Variants in ASTN2 observed in about 807,000 individuals in gnomAD.
ASTN2 encodes astrotactin-2.
In ASTN2, 54 loss-of-function variants were observed where a neutral mutation model predicts 139.8. The ratio of observed to expected loss-of-function variants is 0.39; its 90% confidence interval spans 0.31 to 0.48. The LOEUF (loss-of-function observed/expected upper bound fraction) is 0.48, where lower values mean the gene tolerates loss of function less well. Ranked by LOEUF, ASTN2 falls within the 20% of genes least tolerant of loss-of-function variation. The probability of loss-of-function intolerance (pLI) is 0.95; values close to 1 mark genes in which losing one functional copy is unlikely to be tolerated. For synonymous variants in ASTN2, 756 were observed against 719.5 expected (o/e 1.05, Z -0.81); for missense variants, 1,565 against 1,725.1 (o/e 0.91, Z 1.64).
intron 16 of ASTN2, among the ~76,000 whole-genome samples, chr9:116,655,965 C>G (rs368832450): frequency 2.0e-5 from 3 of 152,188 alleles, no homozygotes; most frequent in African/African-American, 7.2e-5. Context: ...TGAGCTCAAG[C>G]AATCTGCCCA....
intron 3 of ASTN2, among the ~76,000 whole-genome samples, chr9:117,157,715 G>C (rs1227345260): frequency 3.9e-5 from 6 of 152,150 alleles, no homozygotes; most frequent in African/African-American, 1.2e-4. Context: ...AAACTGATGA[G>C]TTATTTAGTA....
chr9:117,359,232 T>C (rs376436701), intron 1 of ASTN2, among the ~76,000 whole-genome samples: 2 of 152,332 alleles, frequency 1.3e-5, no homozygotes, highest in Admixed American at 6.5e-5. Flanking sequence ...AGTCCCCATC[T>C]GTAAAATGGA....
Position 116,565,253 on chromosome 9 carries a change from C to CACACAA in ASTN2, c.3355+53070_3355+53071insTTGTGT, listed in dbSNP as rs1271291402. ...ACACACACACACACACACACACACA[C>CACACAA]ACACATATGCCCCATACTGAGGAGA... On this transcript the variant is annotated intron_variant, in intron 19 of 22. Coordinates refer to ENST00000313400, the MANE Select transcript of ASTN2 (RefSeq NM_001365068.1). Among the ~76,000 whole-genome samples the CACACAA allele has an allele frequency of 3.6e-5, 4 of 110,044 alleles. No individual in the cohort carries two copies. In the East Asian group the frequency reaches 1.1e-3, roughly 31 times the overall value. 72.2% of individuals were successfully genotyped at this position (110,044 alleles called of 152,430 possible).
At chr9:117,343,618 G>A (rs2130868359) in intron 1 of ASTN2, among the ~76,000 whole-genome samples, 1 of 152,254 alleles carries the variant, frequency 6.6e-6, no homozygotes, top group Admixed American at 6.5e-5. Flanking sequence ...ATGTACATAT[G>A]AGAATACTGA....
chr9:116,843,481 A>T (rs1832328378), intron 11 of ASTN2, among the ~76,000 whole-genome samples: 1 of 152,008 alleles, frequency 6.6e-6, no homozygotes, highest in South Asian at 2.1e-4. Context: ...AACATGGTGA[A>T]ACCCCATCTC....
chr9:116,649,531 G>A (rs566684981), intron 17 of ASTN2, among the ~76,000 whole-genome samples: 342 of 145,570 alleles, frequency 2.3e-3, no homozygotes, highest in Non-Finnish European at 4.3e-3. Context: ...CTGAGATCGC[G>A]CCATTGCACT....
intron 4 of ASTN2, among the ~76,000 whole-genome samples, chr9:117,139,936 T>C (rs1427510033): frequency 6.6e-6 from 1 of 152,166 alleles, no homozygotes; most frequent in Non-Finnish European, 1.5e-5. Flanking sequence ...TAATAGTACA[T>C]AGTCGTTAAG....
chr9:116,778,389 G>A (rs1336400535), intron 13 of ASTN2, among the ~76,000 whole-genome samples: 2 of 72,020 alleles, frequency 2.8e-5, no homozygotes, highest in African/African-American at 8.4e-5. Context: ...TTACAATTAG[G>A]GGATTTTTAT....
intron 6 of ASTN2, among the ~76,000 whole-genome samples, chr9:117,024,625 A>G (rs1838002018): frequency 1.3e-5 from 2 of 152,098 alleles, no homozygotes; most frequent in Non-Finnish European, 2.9e-5. Context: ...ATAAAACAGG[A>G]AGCTTTGGGC....
chr9:116,954,579 T>C (rs1332108267), intron 10 of ASTN2, among the ~76,000 whole-genome samples: 1 of 152,220 alleles, frequency 6.6e-6, no homozygotes, highest in Non-Finnish European at 1.5e-5. Flanking sequence ...TGCAACTACT[T>C]AGCTTTGCCA....
chr9:117,370,541 A>T (rs909052742), intron 1 of ASTN2, among the ~76,000 whole-genome samples: 11 of 152,196 alleles, frequency 7.2e-5, no homozygotes, highest in Non-Finnish European at 2.9e-5. Context: ...TAATTCAGTC[A>T]TCTGATACTC....
At chr9:116,474,943 C>A (rs1281661994) in intron 20 of ASTN2, among the ~76,000 whole-genome samples, 1 of 152,096 alleles carries the variant, frequency 6.6e-6, no homozygotes, top group African/African-American at 2.4e-5. Flanking sequence ...ATGGTCACAG[C>A]CTACTGGTAA....
intron 19 of ASTN2, among the ~76,000 whole-genome samples, chr9:116,571,797 T>C (rs1335858254): frequency 6.6e-6 from 1 of 152,172 alleles, no homozygotes; most frequent in Admixed American, 6.5e-5. Context: ...CTACTGTATG[T>C]GTCTGTGTGC....
intron 4 of ASTN2, among the ~76,000 whole-genome samples, chr9:117,123,063 A>G (rs936977192): frequency 1.3e-5 from 2 of 152,072 alleles, no homozygotes. Context: ...ATATCTTCCT[A>G]GTGCAGTGGC....
At chr9:117,208,688 T>C (rs1316488066) in intron 3 of ASTN2, among the ~76,000 whole-genome samples, 2 of 152,048 alleles carry the variant, frequency 1.3e-5, no homozygotes, top group African/African-American at 4.8e-5. Context: ...CATCTTACAG[T>C]CAAGTTGTTG....
chr9:117,264,626 A>G (rs188412555), intron 2 of ASTN2, among the ~76,000 whole-genome samples: 23 of 152,340 alleles, frequency 1.5e-4, no homozygotes, highest in African/African-American at 4.3e-4. Flanking sequence ...TGAGAGAGGA[A>G]TAACAAAAGA....
rs555599677 is a variant in ASTN2, at chr9:117,150,634, T to G, written c.1016-9156A>C. 2.0e-5 allele frequency among the ~76,000 whole-genome samples: 3 copies of G among 152,266 alleles called. No individual in the cohort carries two copies. In the East Asian group the frequency reaches 5.8e-4, roughly 29 times the overall value. ...TTAAAATGAGGCTTGCAATTCCAAA[T>G]CTAATAAGCTGGTTTAGGATTAACT... On this transcript the variant is annotated intron_variant, in intron 3 of 22. Coordinates refer to ENST00000313400, the MANE Select transcript of ASTN2 (RefSeq NM_001365068.1).
intron 16 of ASTN2, among the ~76,000 whole-genome samples, chr9:116,669,732 C>CTTGACA (rs568195723): frequency 6.0e-4 from 91 of 151,998 alleles, no homozygotes; most frequent in South Asian, 1.9e-3. Flanking sequence ...TTCTCATTAT[C>CTTGACA]TTGACATTGT....
intron 7 of ASTN2, among the ~76,000 whole-genome samples, chr9:117,007,201 G>T (rs1018100640): frequency 6.6e-6 from 1 of 152,064 alleles, no homozygotes; most frequent in Non-Finnish European, 1.5e-5. Flanking sequence ...ACCACTTTCT[G>T]TATAATGAAA....
Sources: allele counts gnomAD v4.1 joint callset (sites outside exome capture counted in the v4.1 genomes callset), GRCh38; gene constraint gnomAD v4.1.1; transcripts MANE v1.5; gene names NCBI Gene and HGNC (gene_info 2026-07-23, HGNC 2026-07-21).